Variants in SPATA13 observed in about 807,000 individuals in gnomAD.
SPATA13 encodes the protein spermatogenesis associated 13, also known as spermatogenesis-associated protein 13.
Under a neutral mutation model 104.0 loss-of-function variants are expected in SPATA13, and 50 were observed. That is an observed-to-expected ratio of 0.48 (90% confidence interval 0.38 to 0.61). The LOEUF is 0.61. SPATA13 is among the 20% of genes least tolerant of loss of function. SPATA13 has a pLI of 0.00. For synonymous variants in SPATA13, 606 were observed against 667.5 expected, an observed-to-expected ratio of 0.91 and a Z score of 1.42; for missense variants, 1,524 against 1,690.6, an observed-to-expected ratio of 0.90 and a Z score of 1.73.
At chr13:24,008,900 A>AG (rs1487857260) in intron 2 of SPATA13, among the ~76,000 whole-genome samples, 2 of 152,168 alleles carry the variant, frequency 1.3e-5, no homozygotes, top group African/African-American at 4.8e-5. Context: ...AGGAGGGAAG[A>AG]GGGGGGAAAG....
intron 3 of SPATA13, among the ~76,000 whole-genome samples, chr13:24,050,525 C>A (rs1455120430): frequency 2.6e-5 from 4 of 152,144 alleles, no homozygotes; most frequent in Non-Finnish European, 5.9e-5. Flanking sequence ...GTCAGGCACA[C>A]AGACAGGAAA....
intron 11 of SPATA13, among the ~76,000 whole-genome samples, chr13:24,298,540 A>G (rs1876952130): frequency 6.6e-6 from 1 of 152,194 alleles, no homozygotes; most frequent in South Asian, 2.1e-4. Context: ...ATTGCCTCCC[A>G]AGCTCTTTAG....
intron 4 of SPATA13, among the ~76,000 whole-genome samples, chr13:24,271,986 C>T (rs1478877160): frequency 1.3e-5 from 2 of 152,226 alleles, no homozygotes; most frequent in East Asian, 3.8e-4. Flanking sequence ...AAAAAGTTGC[C>T]TGGCGATTTC....
At chr13:24,165,184 C>T (rs1000149661) in intron 1 of SPATA13, among the ~76,000 whole-genome samples, 1 of 152,140 alleles carries the variant, frequency 6.6e-6, no homozygotes, top group African/African-American at 2.4e-5. Flanking sequence ...CACTTCCACC[C>T]ATTTCCCTGA....
chr13:24,279,077 TGGAGCTTACATTCTG>T (rs536018820), intron 4 of SPATA13, among the ~76,000 whole-genome samples: 2,006 of 151,612 alleles, frequency 0.013, 15 homozygotes, highest in Non-Finnish European at 0.018. Flanking sequence ...ACTGCCTTTC[TGGAGCTTACATTCTG>T]GATAGTGAAC....
intron 1 of SPATA13, among the ~76,000 whole-genome samples, chr13:24,190,033 A>T (rs1200376918): frequency 5.1e-5 from 5 of 97,672 alleles, no homozygotes; most frequent in East Asian, 3.7e-4. Context: ...AATGATATAC[A>T]ATATATATTA....
At chr13:24,037,631 A>G (rs944471056) in intron 3 of SPATA13, among the ~76,000 whole-genome samples, 1 of 152,022 alleles carries the variant, frequency 6.6e-6, no homozygotes, top group African/African-American at 2.4e-5. Flanking sequence ...GGTGGTCTCA[A>G]TCTCCTGACC....
chr13:24,264,781 C>A (rs1874216678), intron 4 of SPATA13, among the ~76,000 whole-genome samples: 1 of 152,160 alleles, frequency 6.6e-6, no homozygotes, highest in Non-Finnish European at 1.5e-5. Context: ...GATGAAAAAT[C>A]CACGTGTGCT....
intron 3 of SPATA13, among the ~76,000 whole-genome samples, chr13:24,037,610 A>G (rs1384693026): frequency 1.3e-5 from 2 of 151,934 alleles, no homozygotes; most frequent in African/African-American, 4.8e-5. Context: ...GAGTTTCACC[A>G]TGTTGGCCAC....
chr13:24,286,276 C>T lies in SPATA13; in HGVS notation c.2364C>T (p.Asp788=), dbSNP rs756836080. 4 of 1,613,898 alleles carry T rather than the reference C, an allele frequency of 2.5e-6. No homozygotes were observed. The highest frequency in any genetic ancestry group is 3.4e-6 in the Non-Finnish European group (4 of 1,180,050). Residue 788 remains aspartate (D), a synonymous_variant, in exon 6 of 13, where the codon GAC becomes GAT. Transcript: ENST00000382108. The surrounding 1 kb of genome is among the most constrained non-coding windows in gnomAD (Gnocchi z 4.9). ...EALWDHVTMD[D]QELGFKAGDV... ...TGTGGGACCATGTGACCATGGATGA[C>T]CAGGAACTGGGCTTCAAAGCCGGGG...
intron 3 of SPATA13, among the ~76,000 whole-genome samples, chr13:24,041,073 T>C (rs1368036572): frequency 6.6e-6 from 1 of 152,198 alleles, no homozygotes; most frequent in Non-Finnish European, 1.5e-5. Flanking sequence ...AAAATCACAA[T>C]GCCTGCCTGT....
chr13:24,256,966 G>C (rs2760376), intron 4 of SPATA13, among the ~76,000 whole-genome samples: 22,126 of 152,158 alleles, frequency 0.15, 2,000 homozygotes, highest in African/African-American at 0.25. Context: ...AATTATCTTT[G>C]CCGCCTTTGC....
intron 2 of SPATA13, among the ~76,000 whole-genome samples, chr13:24,233,003 C>T (rs1230238865): frequency 1.3e-5 from 2 of 152,150 alleles, no homozygotes; most frequent in East Asian, 1.9e-4. Flanking sequence ...TTAGCTCTTA[C>T]ATTTAGGTAT....
At chr13:24,168,575 C>G (rs918644706) in intron 1 of SPATA13, among the ~76,000 whole-genome samples, 1 of 152,140 alleles carries the variant, frequency 6.6e-6, no homozygotes, top group African/African-American at 2.4e-5. Context: ...AGCACACAAG[C>G]AGCCCAGTAT....
At position 24,025,813 on chromosome 13, in the gene SPATA13, C is replaced by CTTTCT. The variant is rs1287880520; in HGVS notation, c.-112+8115_-112+8116insCTTTT. Among the ~76,000 whole-genome samples, 42 of 146,626 alleles carry CTTTCT rather than the reference C, an allele frequency of 2.9e-4. 1 individual carries two copies. The East Asian group carries it at 7.1e-3, about 25-fold the overall frequency. On this transcript the variant is annotated intron_variant, in intron 3 of 14. Transcript: ENST00000424834. Reference sequence around the variant, plus strand: ...TTACCTTTTCTTTCTTTCTTTCTTTCTTTTTTTTTTTTTTGAGACGGAGTC... The same window carrying CTTTCT: ...TTACCTTTTCTTTCTTTCTTTCTTTCTTTCTTTTTTTTTTTTTTTGAGACGGAGTC...
chr13:24,257,396 C>G (rs909903685), intron 4 of SPATA13, among the ~76,000 whole-genome samples: 5 of 152,112 alleles, frequency 3.3e-5, no homozygotes, highest in African/African-American at 1.2e-4. Context: ...TCTTGAAAGC[C>G]CTTTAGTTAA....
chr13:24,250,987 A>G lies in SPATA13; in HGVS notation c.2020-731A>G, dbSNP rs115488964. On this transcript the variant is annotated intron_variant, in intron 3 of 12. Transcript: ENST00000382108. ...GGAAAATTGTAAGAAAACCTAAGGA[A>G]TTACATAAGCAGGATATGCATGTAA... Among the ~76,000 whole-genome samples the G allele has an allele frequency of 3.7e-3, 571 of 152,380 alleles. 5 individuals carry two copies. The highest frequency in any genetic ancestry group is 0.013 in the African/African-American group (532 of 41,586).
At chr13:24,288,918 G>C (rs941276560) in intron 7 of SPATA13, 81 bp from the exon 8 acceptor site, 223 of 1,256,304 alleles carry the variant, frequency 1.8e-4, no homozygotes, top group Non-Finnish European at 1.9e-4. Context: ...CAAGTTCATG[G>C]CTTTAGGCCT....
intron 2 of SPATA13, chr13:24,224,900 CTG>C: frequency 2.4e-6 from 1 of 416,020 alleles, no homozygotes; most frequent in Admixed American, 3.5e-5. Flanking sequence ...TGTAAACAAA[CTG>C]TCTTCTGCTC....
Sources: gnomAD v4.1 joint callset for allele counts (sites outside exome capture counted in the v4.1 genomes callset) on GRCh38, gnomAD v4.1.1 for gene constraint, Gnocchi (gnomAD v3.1) non-coding constraint, MANE v1.5 for transcripts, NCBI Gene and HGNC (gene_info 2026-07-23, HGNC 2026-07-21) for gene names.